The following LMNTD2 variants were observed in gnomAD, a reference collection of about 807,000 sequenced individuals.
The protein encoded by LMNTD2 is lamin tail domain-containing protein 2.
LMNTD2 carries 83 observed loss-of-function variants against 70.1 expected under a neutral mutation model. The ratio of observed to expected loss-of-function variants is 1.18; its 90% CI spans 0.99 to 1.42. LMNTD2 has a LOEUF of 1.42. Among genes scored for constraint, LMNTD2 ranks in the 40% most tolerant of loss-of-function variants. The probability of loss-of-function intolerance (pLI) is 0.00; values close to 1 mark genes in which losing one functional copy is unlikely to be tolerated. For synonymous variants in LMNTD2, 534 were observed against 406.1 expected (o/e 1.31, Z -3.79); for missense variants, 1,153 against 905.9 (o/e 1.27, Z -3.50).
rs192596529 is a variant in LMNTD2, at chr11:558,497, C to T, written c.311+117G>A. The T allele has an allele frequency of 1.1e-4, 148 of 1,326,614 alleles. 1 individual carries two copies. In the African/African-American group the frequency reaches 1.5e-3, roughly 13 times the overall value. 82.2% of individuals were successfully genotyped at this position (1,326,614 alleles called of 1,614,324 possible). A position where few individuals can be genotyped will look rare whatever the true frequency, so the allele number is the denominator to read the frequency against. Reference sequence around the variant, plus strand: ...TTAGGATCAGGGTGGAGGGTCAGCGCGGGCAAGGATGAGGGTAAGGATCTG... The same window carrying T: ...TTAGGATCAGGGTGGAGGGTCAGCGTGGGCAAGGATGAGGGTAAGGATCTG... On this transcript the variant is annotated intron_variant, in intron 3 of 13. Coordinates refer to ENST00000329451, the MANE Select transcript of LMNTD2 (RefSeq NM_173573.3).
In LMNTD2 at chr11:558,243, G is replaced by A; in HGVS notation, c.317C>T (p.Ser106Phe). The A allele has an allele frequency of 6.2e-7, 1 of 1,613,430 alleles. No homozygotes were observed. The highest frequency in any genetic ancestry group is 1.1e-5 in the South Asian group (1 of 91,078). Residue 106 changes from serine to phenylalanine, a missense_variant, in exon 4 of 14, where the codon TCC becomes TTC. By Grantham distance (155) the Ser-to-Phe change is radical. Coordinates refer to ENST00000329451, the MANE Select transcript of LMNTD2 (RefSeq NM_173573.3). ...CTGCAGGAGTTTCTCCTGACTGTGG[G>A]AGCTCCTGGAGGAGGGGTGACCTCA... ...EVAGLPPKRS[S>F]HSQEKLLQNQ...
Position 555,306 on chromosome 11 carries a change from C to G in LMNTD2, c.1772G>C (p.Arg591Pro), listed in dbSNP as rs530471704. The change falls in exon 13 of 14, where the codon CGG (arginine) becomes CCG (proline). Residue 591 changes from arginine to proline, a missense_variant and splice_region_variant. Transcript: ENST00000329451. ...GCGCACCCGCAAGCGCGCACTCACC[C>G]GAACTCGGTGTTCTTTCTGGAGCCG... ...DCRLQKEHRV[R>P]VCRKSVDRSC... 2.5e-5 allele frequency: 35 copies of G among 1,414,414 alleles called. No individual in the cohort carries two copies. The highest frequency in any genetic ancestry group is 2.9e-5 in the Non-Finnish European group (32 of 1,086,968). The allele number at this position is 1,414,414 out of a possible 1,614,324, so 87.6% of individuals were successfully genotyped here. A position where few individuals can be genotyped will look rare whatever the true frequency, so the allele number is the denominator to read the frequency against.
chr11:558,286 C>G (rs761117023), intron 3 of LMNTD2, 38 bp from the exon 4 acceptor site: 2 of 1,590,084 alleles, frequency 1.3e-6, no homozygotes, highest in African/African-American at 2.7e-5. Flanking sequence ...CCACCCTGCT[C>G]AGGCAGGGGT....
Position 554,863 on chromosome 11 carries a change from A to T in LMNTD2, c.*117T>A. On this transcript the variant is annotated 3_prime_UTR_variant, in exon 14 of 14. Coordinates refer to ENST00000329451, the MANE Select transcript of LMNTD2 (RefSeq NM_173573.3). ...CATTTCCAGCTCTCAGGTGTACAGA[A>T]ATGCGGTTTACTTTGTAGGCCACGT... 1.4e-6 allele frequency: 1 copy of T among 710,660 alleles called. No individual in the cohort carries two copies. Among genetic ancestry groups the T allele is most frequent in the Non-Finnish European group, 2.2e-6 (1 of 464,918 alleles). The allele number at this position is 710,660 out of a possible 1,614,324, so 44.0% of individuals were successfully genotyped here.
chr11:560,474 C>T, intron 1 of LMNTD2: 1 of 1,254,294 alleles, frequency 8.0e-7, no homozygotes, highest in Non-Finnish European at 1.0e-6. Flanking sequence ...GGTGACCCTG[C>T]GACCCCGCGA....
In LMNTD2 at chr11:559,408, C is replaced by T. The variant is rs1432983572; in HGVS notation, c.35-429G>A. The T allele has an allele frequency of 3.8e-6, 5 of 1,310,656 alleles. No homozygotes were observed. The African/African-American group carries it at 6.0e-5, about 16-fold the overall frequency. The allele number at this position is 1,310,656 out of a possible 1,614,324, so 81.2% of individuals were successfully genotyped here. On this transcript the variant is annotated intron_variant, in intron 1 of 13. Transcript: ENST00000329451. ...GGCTGTATACCGTTGCCATGGATAC[C>T]AGCACCCAGAAGGGGTGGGGCTGTT...
At chr11:559,312 TC>T (rs1261838376) in intron 1 of LMNTD2, 1 of 1,395,896 alleles carries the variant, frequency 7.2e-7, no homozygotes, top group Non-Finnish European at 9.5e-7. Flanking sequence ...CTCTCTCTTG[TC>T]CCCCCAGCTC....
intron 1 of LMNTD2, chr11:560,259 C>T: frequency 5.0e-6 from 5 of 995,474 alleles, no homozygotes; most frequent in Non-Finnish European, 6.0e-6. Context: ...GGCTGCGGGG[C>T]CCTGGGCGGG....
Position 556,159 on chromosome 11 carries a change from CCGTCGGGGCCGGGCTCCCGGGCCGGGG to C in LMNTD2, c.1257+6_1257+32del. ...GCGGGTGAGGGGCGGCCGGGCCGGG[CCGTCGGGGCCGGGCTCCCGGGCCGGGG>C]CGCACCGTGACGTGGTGCCGCGGGG... On this transcript the variant is annotated splice_donor_region_variant and intron_variant, in intron 10 of 13. Transcript: ENST00000329451. 7.6e-7 allele frequency: 1 copy of C among 1,316,490 alleles called. No individual in the cohort carries two copies. Among genetic ancestry groups the C allele is most frequent in the Non-Finnish European group, 9.6e-7 (1 of 1,041,276 alleles). The allele number at this position is 1,316,490 out of a possible 1,614,324, so 81.6% of individuals were successfully genotyped here. A position where few individuals can be genotyped will look rare whatever the true frequency, so the allele number is the denominator to read the frequency against.
intron 1 of LMNTD2, 145 bp downstream of exon 1, chr11:560,538 G>A: frequency 7.8e-7 from 1 of 1,279,316 alleles, no homozygotes; most frequent in Non-Finnish European, 1.0e-6. Context: ...GCTGGCCCGG[G>A]AAGCGAGGGG....
intron 13 of LMNTD2, 38 bp from the exon 14 acceptor site, chr11:555,149 G>GA: frequency 3.2e-6 from 3 of 929,162 alleles, no homozygotes; most frequent in Admixed American, 4.1e-5. Flanking sequence ...GCGGGGCGGG[G>GA]CGGGGACGGG....
Position 557,146 on chromosome 11 carries a change from C to T in LMNTD2, c.714-49G>A, listed in dbSNP as rs750875632. The T allele has an allele frequency of 5.9e-6, 9 of 1,521,842 alleles. No homozygotes were observed. The South Asian group carries it at 1.1e-4, about 19-fold the overall frequency. The allele number at this position is 1,521,842 out of a possible 1,614,324, so 94.3% of individuals were successfully genotyped here. ...GGCCACTCCAGCTCCAGACCCCAGC[C>T]CTGCCCCCGTCCAGCCTCACAAGGC... On this transcript the variant is annotated intron_variant, in intron 7 of 13. Transcript: ENST00000329451.
At chr11:555,660 G>C (rs1354405977) in intron 12 of LMNTD2, 74 bp downstream of exon 12, 1 of 1,318,752 alleles carries the variant, frequency 7.6e-7, no homozygotes, top group African/African-American at 1.6e-5. Flanking sequence ...CCTAGCGAGG[G>C]GATACGAGGG....
Position 556,917 on chromosome 11 carries a change from C to G in LMNTD2, c.894G>C (p.Val298=). 6.3e-7 allele frequency: 1 copy of G among 1,596,972 alleles called. No individual in the cohort carries two copies. The highest frequency in any genetic ancestry group is 1.1e-5 in the South Asian group (1 of 89,530). ...CRPGLPSFVQ[V]IGHPPRDHRA... ...GGTGGTCCCGGGGCGGGTGCCCTAT[C>G]ACCTGCACGAAGGAAGGCAGGCCCG... Residue 298 remains valine (V), a synonymous_variant, in exon 8 of 14, where the codon GTG becomes GTC. Transcript: ENST00000329451.
chr11:560,172 A>AGGG (rs1331266151), intron 1 of LMNTD2: 3 of 393,380 alleles, frequency 7.6e-6, no homozygotes, highest in African/African-American at 6.5e-5. Context: ...CACAGGAGAC[A>AGGG]GGCGGGCAGG....
chr11:556,378 G>C lies in LMNTD2; in HGVS notation c.1074-3C>G, dbSNP rs1482129786. On this transcript the variant is annotated splice_polypyrimidine_tract_variant and splice_region_variant and intron_variant, in intron 9 of 13. Transcript: ENST00000329451. ...CCACGATCTTCAGGCCTGTCGGGCTGGGAAGAGAGGAGACGCTGTGAGGAG... is the reference window on the plus strand; with the variant it reads ...CCACGATCTTCAGGCCTGTCGGGCTCGGAAGAGAGGAGACGCTGTGAGGAG... 3 of 1,536,358 alleles carry C rather than the reference G, an allele frequency of 2.0e-6. No homozygotes were observed. In the African/African-American group the frequency reaches 4.1e-5, roughly 21 times the overall value.
intron 1 of LMNTD2, chr11:559,671 G>C: frequency 8.5e-7 from 1 of 1,171,186 alleles, no homozygotes; most frequent in Non-Finnish European, 1.1e-6. Context: ...GGGTGTGTGG[G>C]GGAAGCAGAC....
intron 1 of LMNTD2, chr11:559,720 A>C: frequency 8.9e-7 from 1 of 1,123,818 alleles, no homozygotes; most frequent in South Asian, 2.1e-5. Flanking sequence ...CTGAACGCTA[A>C]CTGGCAATAG....
chr11:556,353 C>G lies in LMNTD2; in HGVS notation c.1096G>C (p.Ala366Pro). 6.5e-7 allele frequency: 1 copy of G among 1,535,876 alleles called. No homozygotes were observed. Among genetic ancestry groups the G allele is most frequent in the Non-Finnish European group, 8.7e-7 (1 of 1,146,244 alleles). ...ACGAACTTCTCCCGGCAGCTCACAG[C>G]CACGATCTTCAGGCCTGTCGGGCTG... ...LQSPTGLKIVAVSCREKFVRI... is the reference protein window; with the variant it reads ...LQSPTGLKIVPVSCREKFVRI... The change falls in exon 10 of 14, where the codon GCT (alanine) becomes CCT (proline). Residue 366 changes from alanine to proline, a missense_variant. Ala to Pro is a conservative substitution (Grantham distance 27). Transcript: ENST00000329451.
Sources: gnomAD v4.1 joint callset for allele counts on GRCh38, gnomAD v4.1.1 for gene constraint, MANE v1.5 for transcripts, NCBI Gene and HGNC (gene_info 2026-07-23, HGNC 2026-07-21) for gene names.